Variants in UBIAD1 observed in about 807,000 individuals in gnomAD.
UBIAD1 encodes UbiA prenyltransferase domain containing 1, also known as ubiA prenyltransferase domain-containing protein 1.
In UBIAD1, 12 loss-of-function variants were observed where a neutral mutation model predicts 20.1. The observed-to-expected ratio is 0.60, with a 90% CI of 0.38 to 0.97. The LOEUF (loss-of-function observed/expected upper bound fraction) is 0.97, where lower values mean the gene tolerates loss of function less well. UBIAD1 is among the 50% of genes least tolerant of loss of function. UBIAD1 has a pLI of 0.00. For missense variants in UBIAD1, 333 were observed against 419.5 expected (o/e 0.79, Z 1.80); for synonymous variants, 207 against 189.2 (o/e 1.09, Z -0.77).
chr1:11,274,009 T>C lies in UBIAD1; in HGVS notation c.478T>C (p.Leu160=), dbSNP rs1448184370. Residue 160 remains leucine (L), a synonymous_variant, in exon 1 of 2, where the codon TTG becomes CTG. Transcript: ENST00000376810. The stretch of plus-strand genomic sequence containing the variant: ...CCTGTCCCCTCTGAAACTGGAGCAC[T>C]TGGCTCTTATCTACTTTGGAGGCCT... The part of the protein sequence containing the change: ...YYLSPLKLEH[L]ALIYFGGLSG... 1 of 1,614,190 alleles carries C rather than the reference T, an allele frequency of 6.2e-7. No homozygotes were observed. Among genetic ancestry groups the C allele is most frequent in the Admixed American group, 1.7e-5 (1 of 60,010 alleles).
intron 1 of UBIAD1, among the ~76,000 whole-genome samples, chr1:11,274,640 C>T (rs534605895): frequency 1.3e-5 from 2 of 151,698 alleles, no homozygotes; most frequent in Non-Finnish European, 2.9e-5. Flanking sequence ...GACAGAGTCT[C>T]GCTCTGTTGC....
chr1:11,281,748 A>G (rs1364917447), intron 1 of UBIAD1, among the ~76,000 whole-genome samples: 1 of 152,222 alleles, frequency 6.6e-6, no homozygotes, highest in Non-Finnish European at 1.5e-5. Context: ...ATCCAGAGAC[A>G]GGAAAAGAAC....
rs1638279530 is a variant in UBIAD1 at position 11,286,937 on chromosome 1, G to A, written c.*806G>A. ...CTCCCAGCCCTTTCAGTAACTATCA[G>A]GAGCCCTGAAACGGTAGAGGCACTG... On this transcript the variant is annotated 3_prime_UTR_variant, in exon 2 of 2. Coordinates refer to ENST00000376810, the MANE Select transcript of UBIAD1 (RefSeq NM_013319.3). 6.6e-6 allele frequency: 1 copy of A among 152,330 alleles called. No individual in the cohort carries two copies. Among genetic ancestry groups the A allele is most frequent in the Non-Finnish European group, 1.5e-5 (1 of 68,172 alleles). The allele number at this position is 152,330 out of a possible 1,614,324, so 9.4% of individuals were successfully genotyped here.
At position 11,285,127 on chromosome 1, in the gene UBIAD1, C is replaced by T. The variant is rs1476959286; in HGVS notation, c.530-517C>T. On this transcript the variant is annotated intron_variant, in intron 1 of 1. Transcript: ENST00000376810. The surrounding 1 kb of genome is among the most constrained non-coding windows in gnomAD (Gnocchi z 4.4). ...TATCGCAGGGGTGCAGGTTTAAGGACCCCGAAATTTCACTGAAATTCACTG... is the reference window on the plus strand; with the variant it reads ...TATCGCAGGGGTGCAGGTTTAAGGATCCCGAAATTTCACTGAAATTCACTG... Among the ~76,000 whole-genome samples the T allele has an allele frequency of 1.3e-5, 2 of 152,094 alleles. No individual in the cohort carries two copies. The highest frequency in any genetic ancestry group is 2.9e-5 in the Non-Finnish European group (2 of 68,016).
intron 1 of UBIAD1, among the ~76,000 whole-genome samples, chr1:11,277,561 A>G (rs1045481665): frequency 6.6e-6 from 1 of 152,128 alleles, no homozygotes; most frequent in African/African-American, 2.4e-5. Flanking sequence ...GGCGTGAGCC[A>G]CTATGCCTGG....
downstream of UBIAD1, among the ~76,000 whole-genome samples, chr1:11,290,972 C>G (rs1638358065): frequency 1.3e-5 from 2 of 152,226 alleles, no homozygotes; most frequent in African/African-American, 4.8e-5. Flanking sequence ...CCTAAATAAA[C>G]AAATAAATAA....
At chr1:11,296,527 C>A (rs151317249), downstream of UBIAD1, among the ~76,000 whole-genome samples, 10 of 152,142 alleles carry the variant, frequency 6.6e-5, 1 homozygote, top group African/African-American at 9.6e-5. Flanking sequence ...CCTGTCCCCC[C>A]CTTTGTTTTG....
chr1:11,278,689 CT>C, intron 1 of UBIAD1: 1 of 1,321,136 alleles, frequency 7.6e-7, no homozygotes, highest in South Asian at 1.5e-5. Context: ...GTCTTAGCTC[CT>C]GAAGTACAAC....
downstream of UBIAD1, among the ~76,000 whole-genome samples, chr1:11,292,660 T>C (rs1638384550): frequency 7.1e-6 from 1 of 141,688 alleles, no homozygotes; most frequent in Non-Finnish European, 1.5e-5. Flanking sequence ...TTTAAAAGAT[T>C]TTATGTATAC....
downstream of UBIAD1, among the ~76,000 whole-genome samples, chr1:11,296,860 T>G (rs1638456212): frequency 8.1e-6 from 1 of 122,930 alleles, no homozygotes; most frequent in Non-Finnish European, 1.7e-5. Flanking sequence ...GAATGTTGTT[T>G]TTTGTGTAAT....
downstream of UBIAD1, among the ~76,000 whole-genome samples, chr1:11,291,602 A>G (rs1052830326): frequency 1.3e-4 from 19 of 143,438 alleles, no homozygotes; most frequent in African/African-American, 4.8e-4. Flanking sequence ...GCGAGACTTC[A>G]TCTCAAAAAA....
chr1:11,274,756 T>C lies in UBIAD1; in HGVS notation c.529+696T>C, dbSNP rs556027946. On this transcript the variant is annotated intron_variant, in intron 1 of 1. Coordinates refer to ENST00000376810, the MANE Select transcript of UBIAD1 (RefSeq NM_013319.3). ...CCCCGAGTAGCTGGGACTACAGGCATGTGCCACCACGCCTGGCTAATTTTT... is the reference window on the plus strand; with the variant it reads ...CCCCGAGTAGCTGGGACTACAGGCACGTGCCACCACGCCTGGCTAATTTTT... Among the ~76,000 whole-genome samples the C allele has an allele frequency of 2.7e-5, 4 of 150,016 alleles. No individual in the cohort carries two copies. In the East Asian group the frequency reaches 8.1e-4, roughly 30 times the overall value.
chr1:11,290,679 C>T (rs1335413438), downstream of UBIAD1, among the ~76,000 whole-genome samples: 2 of 152,156 alleles, frequency 1.3e-5, no homozygotes, highest in Non-Finnish European at 2.9e-5. Context: ...TTCCGTTACT[C>T]CTGTATTAAA....
At chr1:11,292,803 C>G (rs1488843543), downstream of UBIAD1, among the ~76,000 whole-genome samples, 1 of 152,040 alleles carries the variant, frequency 6.6e-6, no homozygotes, top group Non-Finnish European at 1.5e-5. Context: ...TGCTAATGGA[C>G]TGTCAGCCTC....
At chr1:11,297,342 TATCTA>T (rs1638465038), downstream of UBIAD1, among the ~76,000 whole-genome samples, 1 of 152,202 alleles carries the variant, frequency 6.6e-6, no homozygotes, top group Non-Finnish European at 1.5e-5. Flanking sequence ...TGGAAGGCAC[TATCTA>T]TGAACCAGAA....
At chr1:11,295,876 A>G (rs927972542), downstream of UBIAD1, 2 of 152,254 alleles carry the variant, frequency 1.3e-5, no homozygotes, top group African/African-American at 2.4e-5. Flanking sequence ...AGCTACATGC[A>G]TACATTATCC....
Position 11,286,317 on chromosome 1 carries a change from T to C in UBIAD1, c.*186T>C, listed in dbSNP as rs1638261537. 2 of 755,700 alleles carry C rather than the reference T, an allele frequency of 2.6e-6. No homozygotes were observed. The allele number at this position is 755,700 out of a possible 1,614,324, so 46.8% of individuals were successfully genotyped here. A position where few individuals can be genotyped will look rare whatever the true frequency, so the allele number is the denominator to read the frequency against. ...GTTTTTCTGTTTTTTGTTTTTTCCA[T>C]TTTATGGGGAATTTAAAAACCATTC... On this transcript the variant is annotated 3_prime_UTR_variant, in exon 2 of 2. Coordinates refer to ENST00000376810, the MANE Select transcript of UBIAD1 (RefSeq NM_013319.3).
downstream of UBIAD1, among the ~76,000 whole-genome samples, chr1:11,297,317 A>T (rs1638464765): frequency 6.6e-6 from 1 of 152,274 alleles, no homozygotes; most frequent in South Asian, 2.1e-4. Context: ...TCCTTCCTCC[A>T]TGGGAGGACA....
Position 11,283,180 on chromosome 1 carries a change from C to T in UBIAD1, c.530-2464C>T, listed in dbSNP as rs538880623. On this transcript the variant is annotated intron_variant, in intron 1 of 1. Transcript: ENST00000376810. ...CCTGGCCGCTTACATTGCTTTTTGC[C>T]GAGTGATCTAAGGAGGTGTTCTTGG... 6.6e-5 allele frequency among the ~76,000 whole-genome samples: 10 copies of T among 152,180 alleles called. No homozygotes were observed. The South Asian group carries it at 2.1e-3, about 32-fold the overall frequency.
Sources: allele counts gnomAD v4.1 joint callset (sites outside exome capture counted in the v4.1 genomes callset), GRCh38; gene constraint gnomAD v4.1.1; non-coding constraint Gnocchi (gnomAD v3.1); transcripts MANE v1.5; gene names NCBI Gene and HGNC (gene_info 2026-07-23, HGNC 2026-07-21).